Variants in CRTC2 observed in about 807,000 individuals in gnomAD.
The protein encoded by CRTC2 is CREB regulated transcription coactivator 2.
CRTC2 carries 25 observed loss-of-function variants against 70.9 expected under a neutral mutation model. That is an observed-to-expected ratio of 0.35 (90% confidence interval 0.26 to 0.49). CRTC2 has a LOEUF of 0.49. CRTC2 is among the 20% of genes least tolerant of loss of function. The pLI is 0.98. For missense variants in CRTC2, 737 were observed against 882.6 expected (o/e 0.83, Z 2.09); for synonymous variants, 330 against 364.1 (o/e 0.91, Z 1.07).
Position 153,948,606 on chromosome 1 carries a change from C to T in CRTC2, c.1713G>A (p.Leu571=), listed in dbSNP as rs1032630647. 12 of 1,597,430 alleles carry T rather than the reference C, an allele frequency of 7.5e-6. No individual in the cohort carries two copies. Among genetic ancestry groups the T allele is most frequent in the Admixed American group, 5.3e-5 (3 of 56,290 alleles). Residue 571 remains leucine, a synonymous_variant, in exon 13 of 14, where the codon CTG becomes CTA. Coordinates refer to ENST00000368633, the MANE Select transcript of CRTC2 (RefSeq NM_181715.3). The part of the protein sequence containing the change: ...QFSMESPSAS[L]VLDPPGFSEG... ...CAGAAAAGCCAGGGGGATCCAGCACCAGGCTGGCTGATGGGCTCTCCATGC... is the reference window on the plus strand; with the variant it reads ...CAGAAAAGCCAGGGGGATCCAGCACTAGGCTGGCTGATGGGCTCTCCATGC...
Position 153,953,269 on chromosome 1 carries a change from C to A in CRTC2, c.604G>T (p.Gly202Trp). Reference sequence around the variant, plus strand: ...ACCCTGGGACAGGGCCACTTACCCCCACGTCGGCTGGGCAGGATGCTGGGA... The same window carrying A: ...ACCCTGGGACAGGGCCACTTACCCCAACGTCGGCTGGGCAGGATGCTGGGA... ...TPPSILPSRR[G>W]GILDGEMDPK... Residue 202 changes from glycine to tryptophan, a missense_variant, in exon 6 of 14, where the codon GGG becomes TGG. Gly to Trp is a radical substitution (Grantham distance 184). Transcript: ENST00000368633. 1 of 1,572,722 alleles carries A rather than the reference C, an allele frequency of 6.4e-7. No homozygotes were observed. The highest frequency in any genetic ancestry group is 1.2e-5 in the South Asian group (1 of 86,014).
Position 153,951,510 on chromosome 1 carries a change from G to A in CRTC2, c.1154C>T (p.Thr385Ile), listed in dbSNP as rs373834202. The A allele has an allele frequency of 6.9e-6, 11 of 1,602,818 alleles. 1 individual carries two copies. The highest frequency in any genetic ancestry group is 6.7e-5 in the East Asian group (3 of 44,848). Residue 385 changes from threonine to isoleucine, a missense_variant, in exon 11 of 14, where the codon ACC becomes ATC. Around this residue, in one of 3 missense-constraint regions of CRTC2, gnomAD observed 699 missense variants for 823.7 expected, o/e 0.85. Transcript: ENST00000368633. ...SSLARHVLPT[T>I]SLGHPSLSAP... ...ACTGAGTGAGGGGTGGCCCAGGGAG[G>A]TGGTGGGCAGTACATGGCGGGCCAA...
chr1:153,951,214 G>T, intron 11 of CRTC2, 46 bp downstream of exon 11: 1 of 1,597,142 alleles, frequency 6.3e-7, no homozygotes, highest in Non-Finnish European at 8.6e-7. Flanking sequence ...CATGGCAGGA[G>T]AAAAGGGAAG....
intron 12 of CRTC2, 21 bp downstream of exon 12, chr1:153,949,094 G>A: frequency 6.3e-7 from 1 of 1,598,782 alleles, no homozygotes; most frequent in South Asian, 1.1e-5. Context: ...CTGCTTTTGA[G>A]CAAGGAGCCT....
In CRTC2 at chr1:153,952,211, G is replaced by A; in HGVS notation, c.804C>T (p.Ala268=). The change falls in exon 10 of 14, where the codon GCC becomes GCT. Residue 268 remains alanine, a synonymous_variant. Coordinates refer to ENST00000368633, the MANE Select transcript of CRTC2 (RefSeq NM_181715.3). Reference sequence around the variant, plus strand: ...CAGGTAGGGAGCCCCCCGTGTTCATGGCAGGTGGGAGGACAGGCACATTGG... The same window carrying A: ...CAGGTAGGGAGCCCCCCGTGTTCATAGCAGGTGGGAGGACAGGCACATTGG... ...QPANVPVLPP[A]MNTGGSLPDL... 6.2e-7 allele frequency: 1 copy of A among 1,612,896 alleles called. No individual in the cohort carries two copies. The highest frequency in any genetic ancestry group is 8.5e-7 in the Non-Finnish European group (1 of 1,179,148).
At position 153,948,213 on chromosome 1, in the gene CRTC2, T is replaced by C. The variant is rs1025688914; in HGVS notation, c.1978A>G (p.Met660Val). 5.6e-6 allele frequency: 9 copies of C among 1,614,268 alleles called. No homozygotes were observed. The highest frequency in any genetic ancestry group is 2.2e-5 in the East Asian group (1 of 44,892). Residue 660 changes from methionine to valine, a missense_variant, in exon 14 of 14, where the codon ATG becomes GTG. Physicochemically the swap from Met to Val is conservative, Grantham distance 21 (BLOSUM62 1). Coordinates refer to ENST00000368633, the MANE Select transcript of CRTC2 (RefSeq NM_181715.3). ...AGCCCTTCCAGGCCCAGTGGCTCCA[T>C]GCGCAGCTCATCTTCTAGCCCAAGC... ...LGLGLEDELR[M>V]EPLGLEGLNM... is the part of the protein sequence containing the mutation.
rs1470928879 is a variant in CRTC2, at chr1:153,957,509, A to AG, written c.153+835dup. The stretch of plus-strand genomic sequence containing the variant: ...GCCTTGGAAAGCAAGAAACCAAGCC[A>AG]GGGGGGCTTCAGAGGCAGCCTGGCA... On this transcript the variant is annotated intron_variant, in intron 1 of 13. Transcript: ENST00000368633. Among the ~76,000 whole-genome samples, 3 of 152,240 alleles carry AG rather than the reference A, an allele frequency of 2.0e-5. No individual in the cohort carries two copies. The East Asian group carries it at 5.8e-4, about 29-fold the overall frequency.
At chr1:153,955,918 G>T (rs1680595370) in intron 1 of CRTC2, among the ~76,000 whole-genome samples, 2 of 152,234 alleles carry the variant, frequency 1.3e-5, no homozygotes, top group South Asian at 4.1e-4. Flanking sequence ...CTGAGGGGCT[G>T]CCAGGAGCTC....
At chr1:153,958,274 C>T in intron 1 of CRTC2, 71 bp downstream of exon 1, 2 of 1,545,596 alleles carry the variant, frequency 1.3e-6, no homozygotes, top group Non-Finnish European at 1.7e-6. Context: ...GCGCCCGCCC[C>T]CGCCCCGCCT....
Position 153,958,598 on chromosome 1 carries a change from G to A in CRTC2, c.-101C>T, listed in dbSNP as rs757771373. The A allele has an allele frequency of 6.5e-6, 8 of 1,236,564 alleles. No individual in the cohort carries two copies. The highest frequency in any genetic ancestry group is 5.2e-5 in the East Asian group (2 of 38,718). 76.6% of individuals were successfully genotyped at this position (1,236,564 alleles called of 1,614,324 possible). A position where few individuals can be genotyped will look rare whatever the true frequency, so the allele number is the denominator to read the frequency against. ...CAGCCGTAGCCACCGCCGCCTCAGCGAGCACCGCGAACCCGGCCCCAGCCT... is the reference window on the plus strand; with the variant it reads ...CAGCCGTAGCCACCGCCGCCTCAGCAAGCACCGCGAACCCGGCCCCAGCCT... On this transcript the variant is annotated 5_prime_UTR_variant, in exon 1 of 14. Transcript: ENST00000368633.
intron 1 of CRTC2, among the ~76,000 whole-genome samples, chr1:153,957,334 C>A (rs1680672522): frequency 6.6e-6 from 1 of 152,118 alleles, no homozygotes; most frequent in Non-Finnish European, 1.5e-5. Flanking sequence ...TAGTAATGTT[C>A]CACCATCAAT....
Position 153,958,517 on chromosome 1 carries a change from C to G in CRTC2, c.-20G>C. Reference sequence around the variant, plus strand: ...CGCCATCTTCCTTCCCCGTCCCTCCCTGCCACCCTCCCAGTACCAGCCGCG... The same window carrying G: ...CGCCATCTTCCTTCCCCGTCCCTCCGTGCCACCCTCCCAGTACCAGCCGCG... On this transcript the variant is annotated 5_prime_UTR_variant, in exon 1 of 14. Coordinates refer to ENST00000368633, the MANE Select transcript of CRTC2 (RefSeq NM_181715.3). The G allele has an allele frequency of 3.1e-6, 5 of 1,600,506 alleles. No individual in the cohort carries two copies. Among genetic ancestry groups the G allele is most frequent in the Non-Finnish European group, 3.4e-6 (4 of 1,172,106 alleles).
At chr1:153,956,547 C>G (rs577383883) in intron 1 of CRTC2, among the ~76,000 whole-genome samples, 1 of 152,310 alleles carries the variant, frequency 6.6e-6, no homozygotes, top group Non-Finnish European at 1.5e-5. Context: ...AAGCCAACAT[C>G]AGAACTGACA....
At position 153,948,007 on chromosome 1, in the gene CRTC2, G is replaced by T; in HGVS notation, c.*102C>A. The T allele has an allele frequency of 8.9e-7, 1 of 1,127,288 alleles. No homozygotes were observed. The highest frequency in any genetic ancestry group is 1.3e-6 in the Non-Finnish European group (1 of 762,408). 69.8% of individuals were successfully genotyped at this position (1,127,288 alleles called of 1,614,324 possible). On this transcript the variant is annotated 3_prime_UTR_variant, in exon 14 of 14. Transcript: ENST00000368633. ...CATCCTTCATTCATGCTAGAAAGAG[G>T]ATCTGGGGACAGAGAGTAGAGTCTC... is the stretch of plus-strand genomic sequence containing the variant.
At chr1:153,954,379 G>A (rs913709327) in intron 3 of CRTC2, 63 bp from the exon 4 acceptor site, 8 of 1,072,966 alleles carry the variant, frequency 7.5e-6, no homozygotes, top group African/African-American at 4.7e-5. Flanking sequence ...AATGAGGAAA[G>A]AACAATGAAG....
Position 153,951,327 on chromosome 1 carries a change from C to T in CRTC2, c.1337G>A (p.Arg446Lys), listed in dbSNP as rs1213874397. 2 of 1,613,906 alleles carry T rather than the reference C, an allele frequency of 1.2e-6. No individual in the cohort carries two copies. The highest frequency in any genetic ancestry group is 2.2e-5 in the East Asian group (1 of 44,866). ...CTGTTTGGGCAGCTGCTGTTGGGACCTTCTGGCGTCGGCTGGGCCCGCGAG... is the reference window on the plus strand; with the variant it reads ...CTGTTTGGGCAGCTGCTGTTGGGACTTTCTGGCGTCGGCTGGGCCCGCGAG... The part of the protein sequence containing the change: ...SLLAGPADAR[R>K]SQQQLPKQFS... Residue 446 changes from arginine to lysine, a missense_variant, in exon 11 of 14, where the codon AGG becomes AAG. Physicochemically the swap from Arg to Lys is conservative, Grantham distance 26. Coordinates refer to ENST00000368633, the MANE Select transcript of CRTC2 (RefSeq NM_181715.3).
At position 153,953,342 on chromosome 1, in the gene CRTC2, T is replaced by G; in HGVS notation, c.531A>C (p.Thr177=). 1 of 1,603,084 alleles carries G rather than the reference T, an allele frequency of 6.2e-7. No individual in the cohort carries two copies. Among genetic ancestry groups the G allele is most frequent in the Non-Finnish European group, 8.5e-7 (1 of 1,176,612 alleles). The part of the protein sequence containing the change: ...NRTSSDSALH[T]SVMNPSPQDT... The stretch of plus-strand genomic sequence containing the variant: ...CCTGGGGACTGGGGTTCATCACACT[T>G]GTATGAAGGGCAGAGTCAGAGCTTG... Residue 177 remains threonine (T), a synonymous_variant, in exon 6 of 14, where the codon ACA becomes ACC. Coordinates refer to ENST00000368633, the MANE Select transcript of CRTC2 (RefSeq NM_181715.3).
chr1:153,952,442 G>T lies in CRTC2; in HGVS notation c.707C>A (p.Ser236Tyr). ...GGACCGAGGTCGGGAAGAGGATGAG[G>T]ATAGCTGAGGAGAGAAGGGAGAATA... ...LLKPWDAKKL[S>Y]SSSSRPRSCE... The change falls in exon 9 of 14, where the codon TCC (serine) becomes TAC (tyrosine). Residue 236 changes from serine to tyrosine, a missense_variant. By Grantham distance (144) the Ser-to-Tyr change is moderately radical. Coordinates refer to ENST00000368633, the MANE Select transcript of CRTC2 (RefSeq NM_181715.3). The T allele has an allele frequency of 6.2e-7, 1 of 1,614,194 alleles. No individual in the cohort carries two copies. Among genetic ancestry groups the T allele is most frequent in the Non-Finnish European group, 8.5e-7 (1 of 1,180,018 alleles).
chr1:153,952,501 T>C, intron 8 of CRTC2, 55 bp from the exon 9 acceptor site: 1 of 1,612,948 alleles, frequency 6.2e-7, no homozygotes, highest in Non-Finnish European at 8.5e-7. Context: ...CAGAGAACCC[T>C]GGAAGGCCTG....
Sources: gnomAD v4.1 joint callset for allele counts (sites outside exome capture counted in the v4.1 genomes callset) on GRCh38, gnomAD v4.1.1 for gene constraint, gnomAD v4.1.1 regional missense constraint, MANE v1.5 for transcripts, NCBI Gene and HGNC (gene_info 2026-07-23, HGNC 2026-07-21) for gene names.